Variants in PCLO observed in about 807,000 individuals in gnomAD.
PCLO encodes protein piccolo.
PCLO carries 82 observed loss-of-function variants against 427.5 expected under a neutral mutation model. The observed-to-expected ratio is 0.19, with a 90% CI of 0.16 to 0.23. The LOEUF (loss-of-function observed/expected upper bound fraction) is 0.23. Ranked by LOEUF, PCLO falls within the 10% of genes least tolerant of loss-of-function variation. PCLO has a pLI of 1.00. For synonymous variants in PCLO, 2,357 were observed against 2,155.4 expected, an observed-to-expected ratio of 1.09 and a Z score of -2.59; for missense variants, 6,239 against 6,115.9, an observed-to-expected ratio of 1.02 and a Z score of -0.67.
intron 3 of PCLO, among the ~76,000 whole-genome samples, chr7:83,012,097 C>G (rs73387653): frequency 2.6e-5 from 4 of 151,916 alleles, no homozygotes; most frequent in African/African-American, 9.7e-5. Context: ...CCACTGTTCA[C>G]AAACTCAAAG....
chr7:82,870,332 G>T (rs969166416), intron 10 of PCLO, among the ~76,000 whole-genome samples: 2 of 150,736 alleles, frequency 1.3e-5, no homozygotes, highest in Non-Finnish European at 1.5e-5. Flanking sequence ...AAGAATATAC[G>T]CTGGCAAAAG....
Position 82,805,833 on chromosome 7 carries a change from C to T in PCLO, c.14792-4G>A. The T allele has an allele frequency of 2.5e-6, 4 of 1,596,474 alleles. No homozygotes were observed. The highest frequency in any genetic ancestry group is 3.4e-6 in the Non-Finnish European group (4 of 1,171,266). On this transcript the variant is annotated splice_region_variant and splice_polypyrimidine_tract_variant and intron_variant, in intron 20 of 24. Transcript: ENST00000333891. Reference sequence around the variant, plus strand: ...GGCCGGTGATTGGGAGGCTTTGCTGCATGGTGTGGGAAGATTCAACACCAC... The same window carrying T: ...GGCCGGTGATTGGGAGGCTTTGCTGTATGGTGTGGGAAGATTCAACACCAC...
chr7:82,908,416 A>C (rs1385954060), intron 8 of PCLO, among the ~76,000 whole-genome samples: 4 of 152,052 alleles, frequency 2.6e-5, no homozygotes, highest in African/African-American at 4.8e-5. Flanking sequence ...CATATAATAG[A>C]TCCACTAAAA....
chr7:82,945,808 C>T (rs10236374), intron 6 of PCLO, among the ~76,000 whole-genome samples: 8,584 of 152,002 alleles, frequency 0.056, 796 homozygotes, highest in African/African-American at 0.2. Context: ...ATTTTAAAAA[C>T]GTATAAACCT....
intron 21 of PCLO, among the ~76,000 whole-genome samples, chr7:82,803,034 T>C (rs1248917323): frequency 6.6e-6 from 1 of 152,124 alleles, no homozygotes; most frequent in Non-Finnish European, 1.5e-5. Context: ...TTACCATATA[T>C]ATGTTAAACC....
intron 3 of PCLO, among the ~76,000 whole-genome samples, chr7:82,999,407 C>T (rs1787722678): frequency 1.6e-5 from 1 of 64,362 alleles, no homozygotes; most frequent in Non-Finnish European, 2.4e-5. Context: ...ATATACTATT[C>T]CATTATATAA....
In PCLO at chr7:83,134,744, C is replaced by A. The variant is rs1791672237; in HGVS notation, c.2806G>T (p.Ala936Ser). The A allele has an allele frequency of 1.2e-6, 2 of 1,613,908 alleles. No homozygotes were observed. The highest frequency in any genetic ancestry group is 1.7e-6 in the Non-Finnish European group (2 of 1,179,882). ...TVTGKLFGFG[A>S]SIFSQASNLI... is the part of the protein sequence containing the mutation. The stretch of plus-strand genomic sequence containing the variant: ...TTTGATGCCTGGCTGAAGATTGATG[C>A]TCCAAACCCAAAGAGTTTCCCAGTC... Residue 936 changes from alanine to serine, a missense_variant, in exon 3 of 25, where the codon GCA becomes TCA. Transcript: ENST00000333891.
intron 5 of PCLO, 113 bp downstream of exon 5, chr7:82,951,743 A>C: frequency 7.0e-7 from 1 of 1,425,030 alleles, no homozygotes; most frequent in African/African-American, 1.4e-5. Context: ...TAACATCCAA[A>C]GAAAGAGAAA....
intron 20 of PCLO, chr7:82,820,548 T>C (rs1471632420): frequency 8.2e-7 from 1 of 1,225,734 alleles, no homozygotes; most frequent in African/African-American, 1.6e-5. Flanking sequence ...ACACATCTGA[T>C]ACACTTAACA....
chr7:82,922,272 A>G (rs1333453611), intron 6 of PCLO, among the ~76,000 whole-genome samples: 1 of 152,042 alleles, frequency 6.6e-6, no homozygotes, highest in Non-Finnish European at 1.5e-5. Context: ...GATCTACCAT[A>G]AAGACTCATG....
At chr7:83,158,807 T>C (rs1792363655) in intron 1 of PCLO, among the ~76,000 whole-genome samples, 1 of 151,988 alleles carries the variant, frequency 6.6e-6, no homozygotes, top group Non-Finnish European at 1.5e-5. Flanking sequence ...TGTCTTATAA[T>C]TTAAACTTAG....
At position 82,966,094 on chromosome 7, in the gene PCLO, T is replaced by A. The variant is rs533958846; in HGVS notation, c.3694A>T (p.Lys1232Ter). 2 of 1,611,570 alleles carry A rather than the reference T, an allele frequency of 1.2e-6. No individual in the cohort carries two copies. Among genetic ancestry groups the A allele is most frequent in the African/African-American group, 1.3e-5 (1 of 74,692 alleles). ...PEEEKIRSEE[K>*]KPLLEEKKPT... ...TTTTTTTCTTCTAGGAGTGGCTTTT[T>A]TTCTTCAGAACGTATCTTTTCTTCT... is the stretch of plus-strand genomic sequence containing the variant. The change falls in exon 4 of 25, where the codon AAA (lysine) becomes TAA (stop). Residue 1232 changes from lysine (K) to a stop codon, truncating the protein, a stop_gained. Coordinates refer to ENST00000333891, the MANE Select transcript of PCLO (RefSeq NM_033026.6). LOFTEE classifies it high-confidence loss of function.
chr7:83,020,164 T>C (rs370128514), intron 3 of PCLO, among the ~76,000 whole-genome samples: 1 of 152,140 alleles, frequency 6.6e-6, no homozygotes, highest in South Asian at 2.1e-4. Flanking sequence ...GACCTTTTAT[T>C]ACTTGGATCT....
chr7:83,155,356 A>T lies in PCLO; in HGVS notation c.1285T>A (p.Ser429Thr), dbSNP rs374628811. The change falls in exon 2 of 25, where the codon TCT (serine) becomes ACT (threonine). Residue 429 changes from serine to threonine, a missense_variant. Transcript: ENST00000333891. Reference sequence around the variant, plus strand: ...GTAGGCCCAGGTGCCTTAGCTGGAGACTGTAGCCCAGGTTGTTGAGCTAGG... The same window carrying T: ...GTAGGCCCAGGTGCCTTAGCTGGAGTCTGTAGCCCAGGTTGTTGAGCTAGG... ...KPLAQQPGLQ[S>T]PAKAPGPTKT... 241 of 1,610,902 alleles carry T rather than the reference A, an allele frequency of 1.5e-4. No homozygotes were observed. Among genetic ancestry groups the T allele is most frequent in the Non-Finnish European group, 2.0e-4 (235 of 1,179,286 alleles).
At chr7:83,152,127 G>A (rs1792151044) in intron 2 of PCLO, among the ~76,000 whole-genome samples, 1 of 151,836 alleles carries the variant, frequency 6.6e-6, no homozygotes, top group Non-Finnish European at 1.5e-5. Flanking sequence ...ACCACGCCCG[G>A]CTAATTTTTT....
At chr7:83,070,353 G>C (rs567827797) in intron 3 of PCLO, among the ~76,000 whole-genome samples, 1 of 151,494 alleles carries the variant, frequency 6.6e-6, no homozygotes, top group South Asian at 2.1e-4. Flanking sequence ...AATAACTGGG[G>C]AAAGTAATAA....
chr7:82,868,011 C>A, intron 10 of PCLO: 1 of 378,972 alleles, frequency 2.6e-6, no homozygotes, highest in Non-Finnish European at 5.1e-6. Context: ...ATTAGAAAAT[C>A]TTCATATCAA....
Position 82,956,174 on chromosome 7 carries a change from C to T in PCLO, c.4779G>A (p.Lys1593=), listed in dbSNP as rs185258926. The T allele has an allele frequency of 2.3e-5, 37 of 1,609,162 alleles. 1 individual carries two copies. The African/African-American group carries it at 4.5e-4, about 20-fold the overall frequency. The change falls in exon 5 of 25, where the codon AAG becomes AAA. Residue 1593 remains lysine, a synonymous_variant. Coordinates refer to ENST00000333891, the MANE Select transcript of PCLO (RefSeq NM_033026.6). ...KEISSSTESQ[K]KEETKGKGKI... ...TGCCTTTTCCCTTTGTTTCTTCCTTCTTCTGGCTCTCAGTACTGCTACTAA... is the reference window on the plus strand; with the variant it reads ...TGCCTTTTCCCTTTGTTTCTTCCTTTTTCTGGCTCTCAGTACTGCTACTAA...
At chr7:82,958,642 C>G (rs1466334884) in intron 4 of PCLO, among the ~76,000 whole-genome samples, 1 of 152,126 alleles carries the variant, frequency 6.6e-6, no homozygotes, top group Non-Finnish European at 1.5e-5. Context: ...CAGTGTGCAC[C>G]TAGAATTAAC....
Sources: allele counts gnomAD v4.1 joint callset (sites outside exome capture counted in the v4.1 genomes callset), GRCh38; gene constraint gnomAD v4.1.1; transcripts MANE v1.5; gene names NCBI Gene and HGNC (gene_info 2026-07-23, HGNC 2026-07-21).